The following PPM1H variants were observed in gnomAD, a reference collection of about 807,000 sequenced individuals.
PPM1H encodes protein phosphatase, Mg2+/Mn2+ dependent 1H.
Under a neutral mutation model 54.9 loss-of-function variants are expected in PPM1H, and 27 were observed. The ratio of observed to expected loss-of-function variants is 0.49; its 90% CI spans 0.36 to 0.68. The LOEUF (loss-of-function observed/expected upper bound fraction) is 0.68, where lower values mean the gene tolerates loss of function less well. PPM1H is among the 30% of genes least tolerant of loss of function. The pLI is 0.00. For missense variants in PPM1H, 596 were observed against 667.8 expected (o/e 0.89, Z 1.19); for synonymous variants, 305 against 270.8 (o/e 1.13, Z -1.24).
At position 62,896,634 on chromosome 12, in the gene PPM1H, G is replaced by A. The variant is rs699571; in HGVS notation, c.245+37858C>T. 8.5e-3 allele frequency among the ~76,000 whole-genome samples: 1,301 copies of A among 152,240 alleles called. 12 individuals are homozygous for A. The highest frequency in any genetic ancestry group is 0.025 in the African/African-American group (1,023 of 41,538). On this transcript the variant is annotated intron_variant, in intron 1 of 9. Transcript: ENST00000228705. ...GGAAAGGATGTGGAGAAATAGGAAC[G>A]CTTTTACACTGTTGGTGGGACTGTA...
chr12:62,906,530 TACAAA>T (rs1471615062), intron 1 of PPM1H, among the ~76,000 whole-genome samples: 1 of 152,180 alleles, frequency 6.6e-6, no homozygotes, highest in Non-Finnish European at 1.5e-5. Context: ...AGCGCTAAAT[TACAAA>T]TAGTAGCAGG....
At chr12:62,852,930 C>T (rs904779548) in intron 1 of PPM1H, among the ~76,000 whole-genome samples, 5 of 152,058 alleles carry the variant, frequency 3.3e-5, no homozygotes, top group Non-Finnish European at 7.4e-5. Flanking sequence ...TCCCAGTGTA[C>T]GGGAAACAAA....
chr12:62,804,351 C>CAAAAAAA (rs371143962), intron 2 of PPM1H, among the ~76,000 whole-genome samples: 1 of 137,622 alleles, frequency 7.3e-6, no homozygotes, highest in Non-Finnish European at 1.5e-5. Flanking sequence ...GACCCTGTCT[C>CAAAAAAA]AAAAAAAAAA....
At chr12:62,732,732 C>T (rs938545871) in intron 5 of PPM1H, among the ~76,000 whole-genome samples, 3 of 151,926 alleles carry the variant, frequency 2.0e-5, no homozygotes, top group Non-Finnish European at 4.4e-5. Flanking sequence ...CCACTACGCC[C>T]GGCTAATTTT....
chr12:62,747,053 G>C (rs948736514), intron 4 of PPM1H, among the ~76,000 whole-genome samples: 14 of 152,204 alleles, frequency 9.2e-5, no homozygotes, highest in African/African-American at 3.4e-4. Context: ...CTGGGCTCAG[G>C]TGATCCTCCC....
intron 1 of PPM1H, among the ~76,000 whole-genome samples, chr12:62,879,572 T>G (rs570889228): frequency 5.9e-5 from 9 of 152,046 alleles, no homozygotes; most frequent in Admixed American, 5.9e-4. Flanking sequence ...TGAGAACACA[T>G]GGACACAGGG....
intron 8 of PPM1H, among the ~76,000 whole-genome samples, chr12:62,688,945 G>A (rs1317557847): frequency 6.6e-6 from 1 of 152,156 alleles, no homozygotes; most frequent in Non-Finnish European, 1.5e-5. Context: ...GCAGTTAGCC[G>A]ATATCATGCC....
intron 1 of PPM1H, among the ~76,000 whole-genome samples, chr12:62,889,494 A>T (rs1870708244): frequency 6.6e-6 from 1 of 152,104 alleles, no homozygotes; most frequent in South Asian, 2.1e-4. Context: ...CTGTCTCTAA[A>T]AAAATTTAAA....
chr12:62,817,152 T>TAAAAAAAAAAAAAAAAAAA (rs2076873724), intron 2 of PPM1H, among the ~76,000 whole-genome samples: 3 of 63,144 alleles, frequency 4.8e-5, no homozygotes, highest in South Asian at 5.9e-4. Context: ...AAAAAAAAAC[T>TAAAAAAAAAAAAAAAAAAA]AAAAAAAAGA....
chr12:62,694,617 C>A (rs143548168), intron 6 of PPM1H, among the ~76,000 whole-genome samples: 1 of 152,140 alleles, frequency 6.6e-6, no homozygotes, highest in Non-Finnish European at 1.5e-5. Flanking sequence ...ACAGCGGAGG[C>A]GGGTAAGATG....
chr12:62,686,854 A>T (rs1306008917), intron 8 of PPM1H, among the ~76,000 whole-genome samples: 1 of 151,616 alleles, frequency 6.6e-6, no homozygotes, highest in Non-Finnish European at 1.5e-5. Flanking sequence ...TGTACTATGG[A>T]TGCCAGCCCA....
Position 62,934,705 on chromosome 12 carries a change from T to C in PPM1H, c.32A>G (p.Asn11Ser), listed in dbSNP as rs769712316. 5.0e-6 allele frequency: 8 copies of C among 1,606,422 alleles called. No homozygotes were observed. The South Asian group carries it at 6.6e-5, about 13-fold the overall frequency. Residue 11 changes from asparagine (N) to serine (S), a missense_variant, in exon 1 of 10, where the codon AAT (asparagine) becomes AGT (serine). Coordinates refer to ENST00000228705, the MANE Select transcript of PPM1H (RefSeq NM_020700.2). This position sits in a 1 kb window ranked among gnomAD's most constrained non-coding sequence, Gnocchi z 4.2. The stretch of plus-strand genomic sequence containing the variant: ...GCCAGCCATGATGCCGCCCATGAAA[T>C]TGGCCACGGCAGATTTCACTCGAGT... MLTRVKSAVANFMGGIMAGSS... is the reference protein window; with the variant it reads MLTRVKSAVASFMGGIMAGSS...
intron 7 of PPM1H, among the ~76,000 whole-genome samples, chr12:62,693,022 CTATCG>C (rs1258582340): frequency 1.3e-5 from 2 of 151,806 alleles, no homozygotes; most frequent in East Asian, 3.9e-4. Context: ...TTGATAAAAA[CTATCG>C]TATCGAATGC....
At chr12:62,818,821 C>CTTTTTTT (rs771501305) in intron 2 of PPM1H, among the ~76,000 whole-genome samples, 32 of 135,792 alleles carry the variant, frequency 2.4e-4, no homozygotes, top group South Asian at 4.7e-4. Context: ...TTTTCTTTTT[C>CTTTTTTT]TTTTTTTTTT....
At chr12:62,755,642 A>G (rs2076469159) in intron 4 of PPM1H, 1 of 655,560 alleles carries the variant, frequency 1.5e-6, no homozygotes, top group South Asian at 1.7e-5. Context: ...CATGAGAAGT[A>G]ATGACAACAG....
intron 1 of PPM1H, among the ~76,000 whole-genome samples, chr12:62,851,438 C>G (rs1869183728): frequency 6.6e-6 from 1 of 152,248 alleles, no homozygotes; most frequent in Admixed American, 6.5e-5. Context: ...CGCAGTGGCT[C>G]ACGCCTGTAA....
At chr12:62,925,646 C>T (rs1257737098) in intron 1 of PPM1H, among the ~76,000 whole-genome samples, 1 of 152,198 alleles carries the variant, frequency 6.6e-6, no homozygotes, top group Admixed American at 6.5e-5. Context: ...GGTTTATACC[C>T]CTGTGGCTGA....
At chr12:62,824,774 G>T (rs939394761) in intron 2 of PPM1H, among the ~76,000 whole-genome samples, 2 of 152,168 alleles carry the variant, frequency 1.3e-5, no homozygotes, top group Non-Finnish European at 2.9e-5. Flanking sequence ...AGACTTAAAT[G>T]TTAGACCCAA....
intron 3 of PPM1H, among the ~76,000 whole-genome samples, chr12:62,800,325 G>GT (rs34021356): frequency 0.012 from 1,813 of 146,878 alleles, 22 homozygotes; most frequent in African/African-American, 0.032. Flanking sequence ...TAATCTCCAG[G>GT]TTTTTTTTTT....
Sources: allele counts gnomAD v4.1 joint callset (sites outside exome capture counted in the v4.1 genomes callset), GRCh38; gene constraint gnomAD v4.1.1; non-coding constraint Gnocchi (gnomAD v3.1); transcripts MANE v1.5; gene names NCBI Gene and HGNC (gene_info 2026-07-23, HGNC 2026-07-21).